LUZP1: variants seen among roughly 807,000 people sequenced by gnomAD.
LUZP1 encodes the protein leucine zipper protein 1.
A neutral mutation model predicts 71.3 loss-of-function variants in LUZP1; 25 were observed. The observed-to-expected ratio is 0.35, with a 90% CI of 0.26 to 0.49. The LOEUF is 0.49. Among genes scored for constraint, LUZP1 ranks in the 20% least tolerant of loss-of-function variants. LUZP1 has a pLI of 0.99. For synonymous variants in LUZP1, 481 were observed against 506.4 expected (o/e 0.95, Z 0.67); for missense variants, 1,142 against 1,300.8 (o/e 0.88, Z 1.88).
intron 2 of LUZP1, among the ~76,000 whole-genome samples, chr1:23,111,528 T>C (rs1362990023): frequency 6.6e-6 from 1 of 152,112 alleles, no homozygotes; most frequent in Admixed American, 6.6e-5. Flanking sequence ...CCTACTGCAC[T>C]CCAGCTTAGA....
chr1:23,166,545 C>T (rs904138049), intron 2 of LUZP1, among the ~76,000 whole-genome samples: 1 of 150,680 alleles, frequency 6.6e-6, no homozygotes, highest in Non-Finnish European at 1.5e-5. Context: ...ATCCCAGCTA[C>T]TCGGGAGGCT....
At chr1:23,138,997 C>CAAA (rs535524035) in intron 2 of LUZP1, among the ~76,000 whole-genome samples, 43 of 21,572 alleles carry the variant, frequency 2.0e-3, no homozygotes, top group Non-Finnish European at 2.4e-3. Flanking sequence ...GACTCCATCT[C>CAAA]AAAAAAAAAA....
At chr1:23,172,274 G>A (rs115597226) in intron 1 of LUZP1, among the ~76,000 whole-genome samples, 3 of 152,188 alleles carry the variant, frequency 2.0e-5, no homozygotes, top group African/African-American at 7.2e-5. Context: ...AAGAGTAAGA[G>A]TAAGTTGCCG....
In LUZP1 at chr1:23,093,277, C is replaced by A; in HGVS notation, c.985G>T (p.Glu329Ter). Residue 329 changes from glutamate to a stop codon, truncating the protein, a stop_gained, in exon 4 of 5, where the codon GAA becomes TAA. Transcript: ENST00000302291. LOFTEE classifies it high-confidence loss of function. The surrounding 1 kb of genome is among the most constrained non-coding windows in gnomAD (Gnocchi z 4.2). ...GCTAATAATTTGTTTTTATTTTGTT[C>A]ACTTAGGTAATTATCCTGAAGGTCG... 6.2e-7 allele frequency: 1 copy of A among 1,612,234 alleles called. No individual in the cohort carries two copies. Among genetic ancestry groups the A allele is most frequent in the Non-Finnish European group, 8.5e-7 (1 of 1,179,608 alleles).
chr1:23,107,802 A>C (rs1208929), intron 3 of LUZP1, among the ~76,000 whole-genome samples: 128,487 of 152,190 alleles, frequency 0.84, 54,572 homozygotes, highest in Middle Eastern at 0.89. Context: ...GAGCAAGACT[A>C]CGCCTTGCAA....
At chr1:23,145,338 G>A (rs1644334359) in intron 2 of LUZP1, among the ~76,000 whole-genome samples, 1 of 152,118 alleles carries the variant, frequency 6.6e-6, no homozygotes, top group Admixed American at 6.6e-5. Flanking sequence ...TAAAGTACTT[G>A]AAAAACTTAA....
At chr1:23,136,509 A>C in intron 2 of LUZP1, among the ~76,000 whole-genome samples, 1 of 152,176 alleles carries the variant, frequency 6.6e-6, no homozygotes. Context: ...TGTGACCTTA[A>C]AGATTAGTCC....
chr1:23,099,126 A>AG (rs1438979643), intron 3 of LUZP1, among the ~76,000 whole-genome samples: 2 of 152,134 alleles, frequency 1.3e-5, no homozygotes, highest in African/African-American at 4.8e-5. Flanking sequence ...AAAAACGGAG[A>AG]GGGAAAAAAC....
At chr1:23,153,753 G>C (rs1644400942) in intron 2 of LUZP1, among the ~76,000 whole-genome samples, 1 of 152,164 alleles carries the variant, frequency 6.6e-6, no homozygotes, top group African/African-American at 2.4e-5. Flanking sequence ...GAGTGACATA[G>C]TGAGACCTCG....
intron 2 of LUZP1, among the ~76,000 whole-genome samples, chr1:23,144,925 C>T (rs1644330550): frequency 6.6e-6 from 1 of 152,094 alleles, no homozygotes; most frequent in Non-Finnish European, 1.5e-5. Context: ...CTCTGTCTTG[C>T]TCTGTTGCCC....
chr1:23,099,432 T>C (rs906256201), intron 3 of LUZP1, among the ~76,000 whole-genome samples: 1 of 151,802 alleles, frequency 6.6e-6, no homozygotes, highest in East Asian at 1.9e-4. Context: ...TTTAAAGAGA[T>C]AAACTTCATG....
chr1:23,088,843 T>TG, exon 5 of LUZP1: 1 of 1,591,914 alleles, frequency 6.3e-7, no homozygotes, highest in Non-Finnish European at 8.6e-7. Flanking sequence ...GGCAGGACGG[T>TG]GGAAGAGCTG....
chr1:23,163,163 C>T (rs971563062), intron 2 of LUZP1, among the ~76,000 whole-genome samples: 9 of 150,088 alleles, frequency 6.0e-5, no homozygotes, highest in Non-Finnish European at 1.0e-4. Context: ...TCGTTTGAAC[C>T]CGGGAGGTGG....
At chr1:23,098,281 G>A (rs1643904384) in intron 3 of LUZP1, among the ~76,000 whole-genome samples, 1 of 152,190 alleles carries the variant, frequency 6.6e-6, no homozygotes, top group African/African-American at 2.4e-5. Context: ...AACTAATGAA[G>A]TGAAGGTCCC....
intron 2 of LUZP1, among the ~76,000 whole-genome samples, chr1:23,114,152 C>T (rs1215014807): frequency 6.6e-6 from 1 of 152,084 alleles, no homozygotes; most frequent in Non-Finnish European, 1.5e-5. Context: ...AGACCCTTTA[C>T]TAAAGTATAC....
intron 2 of LUZP1, among the ~76,000 whole-genome samples, chr1:23,139,045 T>TATATAC (rs1389415209): frequency 2.9e-3 from 350 of 119,680 alleles, no homozygotes; most frequent in Non-Finnish European, 5.1e-3. Context: ...TATATATATA[T>TATATAC]ACACACATCA....
rs189123832 is a variant in LUZP1 at position 23,118,225 on chromosome 1, A to T, written c.-225-9098T>A. 2.0e-5 allele frequency among the ~76,000 whole-genome samples: 3 copies of T among 151,910 alleles called. No individual in the cohort carries two copies. In the East Asian group the frequency reaches 5.8e-4, roughly 29 times the overall value. ...GAGACCAGCCTGATCAACATGGTGC[A>T]ACCCCATCTCTAAACACAAAAATTA... On this transcript the variant is annotated intron_variant, in intron 2 of 4. Coordinates refer to ENST00000302291, the Ensembl canonical transcript of LUZP1.
rs1379086079 is a variant in LUZP1 at position 23,175,129 on chromosome 1, C to T, written c.-485+2362G>A. On this transcript the variant is annotated intron_variant, in intron 1 of 4. Transcript: ENST00000302291. ...TATCTTGCAGACTGGGAAAACAAGG[C>T]TCAGACAGGGAAAGTCACTTACTGG... Among the ~76,000 whole-genome samples, 11 of 152,060 alleles carry T rather than the reference C, an allele frequency of 7.2e-5. No homozygotes were observed. In the East Asian group the frequency reaches 1.5e-3, roughly 21 times the overall value.
chr1:23,106,862 G>A (rs1246953539), intron 3 of LUZP1, among the ~76,000 whole-genome samples: 1 of 152,134 alleles, frequency 6.6e-6, no homozygotes, highest in Non-Finnish European at 1.5e-5. Flanking sequence ...AACCAGAGTA[G>A]GCCTTTTAAA....
Sources: gnomAD v4.1 joint callset for allele counts (sites outside exome capture counted in the v4.1 genomes callset) on GRCh38, gnomAD v4.1.1 for gene constraint, Gnocchi (gnomAD v3.1) non-coding constraint, MANE v1.5 for transcripts, NCBI Gene and HGNC (gene_info 2026-07-23, HGNC 2026-07-21) for gene names.